Variants in COLQ observed in about 807,000 individuals in gnomAD.
The protein encoded by COLQ is collagen like tail subunit of asymmetric acetylcholinesterase, also known as acetylcholinesterase collagenic tail peptide.
A neutral mutation model predicts 69.0 loss-of-function variants in COLQ; 48 were observed. The ratio of observed to expected loss-of-function variants is 0.70; its 90% CI spans 0.55 to 0.88. The LOEUF (loss-of-function observed/expected upper bound fraction) is 0.88. Among genes scored for constraint, COLQ ranks in the 40% least tolerant of loss-of-function variants. COLQ has a pLI of 0.00. For synonymous variants in COLQ, 217 were observed against 211.2 expected, an observed-to-expected ratio of 1.03 and a Z score of -0.24; for missense variants, 618 against 594.6, an observed-to-expected ratio of 1.04 and a Z score of -0.41.
Position 15,463,922 on chromosome 3 carries a change from C to T in COLQ, c.814+2419G>A, listed in dbSNP as rs576326274. ...ATTCCCCTAACAACATGGAAACAGG[C>T]GCAGCAAACATAAGTTATTACCCAT... On this transcript the variant is annotated intron_variant, in intron 12 of 16. Transcript: ENST00000383788. Among the ~76,000 whole-genome samples, 5 of 152,282 alleles carry T rather than the reference C, an allele frequency of 3.3e-5. No individual in the cohort carries two copies. In the South Asian group the frequency reaches 6.2e-4, roughly 19 times the overall value.
chr3:15,457,664 G>A (rs940531380), intron 13 of COLQ, among the ~76,000 whole-genome samples: 23 of 151,414 alleles, frequency 1.5e-4, no homozygotes, highest in African/African-American at 5.4e-4. Flanking sequence ...CCAGGCTGGA[G>A]TGCAGTGGTG....
chr3:15,491,166 C>A (rs1311989723), intron 1 of COLQ, among the ~76,000 whole-genome samples: 1 of 151,596 alleles, frequency 6.6e-6, no homozygotes, highest in African/African-American at 2.4e-5. Flanking sequence ...GTAAAAATTT[C>A]TCTTGAAATG....
In COLQ at chr3:15,470,531, C is replaced by G; in HGVS notation, c.717+5G>C. 1 of 1,613,534 alleles carries G rather than the reference C, an allele frequency of 6.2e-7. No individual in the cohort carries two copies. The highest frequency in any genetic ancestry group is 1.1e-5 in the South Asian group (1 of 91,036). ...CAGGCGGGTGGTAAGCCCTGGGATC[C>G]TTACCTGCTTGCCTCGTTTTCCTGG... is the stretch of plus-strand genomic sequence containing the variant. On this transcript the variant is annotated splice_donor_5th_base_variant and intron_variant, in intron 11 of 16. Transcript: ENST00000383788.
chr3:15,515,595 G>T (rs2063050208), intron 1 of COLQ, among the ~76,000 whole-genome samples: 1 of 152,158 alleles, frequency 6.6e-6, no homozygotes, highest in South Asian at 2.1e-4. Flanking sequence ...AGATCACAAG[G>T]TCAGGAGTTC....
chr3:15,510,275 G>A (rs1311167860), intron 1 of COLQ, among the ~76,000 whole-genome samples: 2 of 152,176 alleles, frequency 1.3e-5, no homozygotes, highest in Non-Finnish European at 2.9e-5. Context: ...AATAATGGTT[G>A]CAACCAGTAA....
intron 1 of COLQ, chr3:15,498,394 A>G: frequency 1.8e-6 from 2 of 1,084,586 alleles, no homozygotes; most frequent in Non-Finnish European, 1.3e-6. Context: ...AAAGAAAAAA[A>G]ATTTAAAGGC....
At chr3:15,480,245 A>C (rs1207634640) in intron 3 of COLQ, among the ~76,000 whole-genome samples, 1 of 152,208 alleles carries the variant, frequency 6.6e-6, no homozygotes, top group Non-Finnish European at 1.5e-5. Context: ...GATTTGTTAC[A>C]TATGTATACA....
At chr3:15,461,715 G>A (rs1234890006) in intron 12 of COLQ, among the ~76,000 whole-genome samples, 3 of 152,098 alleles carry the variant, frequency 2.0e-5, no homozygotes, top group East Asian at 1.9e-4. Flanking sequence ...TTCTCTTTGA[G>A]GTTCAAGATT....
chr3:15,504,429 C>T (rs980333405), intron 1 of COLQ, among the ~76,000 whole-genome samples: 10 of 152,336 alleles, frequency 6.6e-5, no homozygotes, highest in Admixed American at 2.6e-4. Context: ...GGCCTCTCTT[C>T]GGAACACATC....
chr3:15,459,229 C>T (rs1041032913), intron 12 of COLQ, among the ~76,000 whole-genome samples: 3 of 152,118 alleles, frequency 2.0e-5, no homozygotes, highest in Non-Finnish European at 4.4e-5. Flanking sequence ...ATATGCTCTG[C>T]CCATTTACCC....
intron 12 of COLQ, among the ~76,000 whole-genome samples, chr3:15,462,898 C>T (rs1205583544): frequency 1.3e-5 from 2 of 152,130 alleles, no homozygotes; most frequent in Non-Finnish European, 2.9e-5. Flanking sequence ...AGCTCCAGCT[C>T]CACAGACGGC....
chr3:15,474,162 G>A (rs1338935236), intron 9 of COLQ, 66 bp downstream of exon 9: 6 of 1,595,600 alleles, frequency 3.8e-6, no homozygotes, highest in Middle Eastern at 1.7e-4. Context: ...TCCACGGATG[G>A]GGGTGGGTGG....
At chr3:15,499,700 C>G (rs62243571) in intron 1 of COLQ, among the ~76,000 whole-genome samples, 56 of 152,328 alleles carry the variant, frequency 3.7e-4, no homozygotes, top group Non-Finnish European at 6.3e-4. Flanking sequence ...CCAAATTGTG[C>G]AAGACATAAT....
intron 1 of COLQ, among the ~76,000 whole-genome samples, chr3:15,509,249 G>A (rs2062952285): frequency 6.6e-6 from 1 of 152,172 alleles, no homozygotes; most frequent in South Asian, 2.1e-4. Flanking sequence ...TGACTTGATG[G>A]CCATTGTCAC....
At position 15,451,541 on chromosome 3, in the gene COLQ, C is replaced by T. The variant is rs745613708; in HGVS notation, c.*103G>A. The T allele has an allele frequency of 2.7e-6, 3 of 1,094,488 alleles. No homozygotes were observed. Among genetic ancestry groups the T allele is most frequent in the African/African-American group, 3.1e-5 (2 of 64,786 alleles). The allele number at this position is 1,094,488 out of a possible 1,614,324, so 67.8% of individuals were successfully genotyped here. On this transcript the variant is annotated 3_prime_UTR_variant, in exon 17 of 17. Transcript: ENST00000383788. ...CAGGAATTTGTCCTTGTTTTTGTCACACAAAGGTTGGTGGAGACGGGGCCA... is the reference window on the plus strand; with the variant it reads ...CAGGAATTTGTCCTTGTTTTTGTCATACAAAGGTTGGTGGAGACGGGGCCA...
At chr3:15,480,284 A>G (rs552892209) in intron 3 of COLQ, among the ~76,000 whole-genome samples, 3 of 152,098 alleles carry the variant, frequency 2.0e-5, no homozygotes, top group African/African-American at 7.2e-5. Flanking sequence ...TGCACCCACT[A>G]ACTTGTCATT....
intron 12 of COLQ, among the ~76,000 whole-genome samples, chr3:15,462,991 G>C (rs1240145291): frequency 6.6e-6 from 1 of 152,172 alleles, no homozygotes. Flanking sequence ...GGGCATACTG[G>C]GTGGAAGAGA....
chr3:15,500,571 G>T (rs1345994072), intron 1 of COLQ, among the ~76,000 whole-genome samples: 3 of 152,118 alleles, frequency 2.0e-5, no homozygotes, highest in Admixed American at 2.0e-4. Flanking sequence ...GATCGCTGGG[G>T]TCCTGTCCAA....
At chr3:15,457,715 C>T (rs1295340378) in intron 13 of COLQ, among the ~76,000 whole-genome samples, 3 of 151,752 alleles carry the variant, frequency 2.0e-5, no homozygotes, top group Non-Finnish European at 4.4e-5. Flanking sequence ...TGGGTTCAAG[C>T]GATTCTCCCA....
Sources: gnomAD v4.1 joint callset for allele counts (sites outside exome capture counted in the v4.1 genomes callset) on GRCh38, gnomAD v4.1.1 for gene constraint, MANE v1.5 for transcripts, NCBI Gene and HGNC (gene_info 2026-07-23, HGNC 2026-07-21) for gene names.